SLC35F4: variants seen among roughly 807,000 people sequenced by gnomAD.
SLC35F4 encodes the protein solute carrier family 35 member F4.
A neutral mutation model predicts 44.2 loss-of-function variants in SLC35F4; 24 were observed. That is an observed-to-expected ratio of 0.54 (90% confidence interval 0.39 to 0.76). The LOEUF (loss-of-function observed/expected upper bound fraction) is 0.76. SLC35F4 is among the 30% of genes least tolerant of loss of function. SLC35F4 has a pLI of 0.00. For missense variants in SLC35F4, 562 were observed against 586.1 expected (o/e 0.96, Z 0.42); for synonymous variants, 238 against 223.6 (o/e 1.06, Z -0.57).
intron 1 of SLC35F4, among the ~76,000 whole-genome samples, chr14:57,713,552 T>TC: frequency 6.6e-6 from 1 of 152,296 alleles, no homozygotes; most frequent in East Asian, 1.9e-4. Flanking sequence ...ATTAAGTTTT[T>TC]CCCCCTTCAG....
At chr14:57,949,751 C>G (rs1170595478) in intron 1 of SLC35F4, among the ~76,000 whole-genome samples, 2 of 151,908 alleles carry the variant, frequency 1.3e-5, no homozygotes, top group East Asian at 3.9e-4. Context: ...ATTTGTTTGT[C>G]TGAAAAAAAC....
intron 1 of SLC35F4, among the ~76,000 whole-genome samples, chr14:57,710,507 C>T (rs2075791195): frequency 6.6e-6 from 1 of 152,106 alleles, no homozygotes; most frequent in Non-Finnish European, 1.5e-5. Flanking sequence ...TCCTCCAGAC[C>T]TCAGAATTGT....
At chr14:57,668,266 C>A (rs577688353) in intron 1 of SLC35F4, among the ~76,000 whole-genome samples, 1 of 150,460 alleles carries the variant, frequency 6.6e-6, no homozygotes, top group African/African-American at 2.5e-5. Context: ...AAAATTTTCT[C>A]CCATGTTGTA....
intron 3 of SLC35F4, among the ~76,000 whole-genome samples, chr14:57,588,609 C>T (rs2069949923): frequency 6.6e-6 from 1 of 152,146 alleles, no homozygotes; most frequent in Non-Finnish European, 1.5e-5. Flanking sequence ...GCCCAACCAC[C>T]ACTGTTCATG....
intron 1 of SLC35F4, among the ~76,000 whole-genome samples, chr14:57,734,479 C>T (rs945082002): frequency 3.9e-5 from 6 of 152,172 alleles, no homozygotes; most frequent in African/African-American, 1.4e-4. Context: ...CAATCTCTCT[C>T]TCATTGTGGA....
intron 1 of SLC35F4, among the ~76,000 whole-genome samples, chr14:57,724,368 T>C (rs1288213323): frequency 6.6e-6 from 1 of 152,210 alleles, no homozygotes; most frequent in Non-Finnish European, 1.5e-5. Flanking sequence ...TGCAGATAAC[T>C]ACTCTCCTTT....
chr14:57,715,232 T>A (rs778291457), intron 1 of SLC35F4, among the ~76,000 whole-genome samples: 1 of 151,992 alleles, frequency 6.6e-6, no homozygotes, highest in Non-Finnish European at 1.5e-5. Flanking sequence ...TGCAGAAGAA[T>A]GCAAGAGGAA....
intron 1 of SLC35F4, among the ~76,000 whole-genome samples, chr14:57,613,776 G>A (rs1168270865): frequency 6.6e-6 from 1 of 152,218 alleles, no homozygotes; most frequent in Admixed American, 6.5e-5. Context: ...GAGAAAGACA[G>A]CTCTGTCTCC....
intron 1 of SLC35F4, among the ~76,000 whole-genome samples, chr14:57,754,957 T>A (rs2076962579): frequency 6.6e-6 from 1 of 152,202 alleles, no homozygotes; most frequent in South Asian, 2.1e-4. Flanking sequence ...CTGGTCCTAA[T>A]CAGAAATCTG....
intron 1 of SLC35F4, chr14:57,596,057 G>C (rs2070466853): frequency 6.6e-6 from 1 of 152,224 alleles, no homozygotes; most frequent in Non-Finnish European, 1.5e-5. Flanking sequence ...GATCATAATT[G>C]AAATGTTTGT....
At chr14:57,884,339 T>A (rs965172273) in intron 1 of SLC35F4, among the ~76,000 whole-genome samples, 1 of 152,176 alleles carries the variant, frequency 6.6e-6, no homozygotes, top group Non-Finnish European at 1.5e-5. Flanking sequence ...CAGAGTATAT[T>A]TAGTTATACA....
intron 1 of SLC35F4, chr14:57,595,969 G>T (rs238379): frequency 0.37 from 55,954 of 152,106 alleles, 10,845 homozygotes; most frequent in Admixed American, 0.46. Context: ...TAGTTAGAAT[G>T]AGTAAGATCT....
intron 1 of SLC35F4, among the ~76,000 whole-genome samples, chr14:57,904,236 G>A (rs1220297073): frequency 1.3e-5 from 2 of 152,150 alleles, no homozygotes; most frequent in African/African-American, 4.8e-5. Flanking sequence ...TGGTGGTAAA[G>A]TTATACTAAT....
Position 57,865,979 on chromosome 14 carries a change from T to A in SLC35F4, c.-154A>T, listed in dbSNP as rs748308510. 2 of 420,186 alleles carry A rather than the reference T, an allele frequency of 4.8e-6. No individual in the cohort carries two copies. Among genetic ancestry groups the A allele is most frequent in the Non-Finnish European group, 8.0e-6 (2 of 250,012 alleles). 26.0% of individuals were successfully genotyped at this position (420,186 alleles called of 1,614,324 possible). ...CTCCACCGCCCGGCGCAGCACCGGC[T>A]CCGCATCACAGCGGCGGCGGCGGCG... is the stretch of plus-strand genomic sequence containing the variant. On this transcript the variant is annotated 5_prime_UTR_variant, in exon 1 of 8. Coordinates refer to ENST00000556826, the MANE Select transcript of SLC35F4 (RefSeq NM_001306087.2).
chr14:57,937,501 A>G (rs1212753017), intron 1 of SLC35F4, among the ~76,000 whole-genome samples: 1 of 151,886 alleles, frequency 6.6e-6, no homozygotes, highest in Non-Finnish European at 1.5e-5. Context: ...ATAGGTTATC[A>G]TAATAGAAAT....
chr14:57,756,820 A>AT (rs1657863343), intron 1 of SLC35F4, among the ~76,000 whole-genome samples: 1 of 143,182 alleles, frequency 7.0e-6, no homozygotes, highest in African/African-American at 2.5e-5. Context: ...AAATCTGCCT[A>AT]ATTTTTTTTT....
chr14:57,684,703 A>G (rs1263394227), intron 1 of SLC35F4, among the ~76,000 whole-genome samples: 1 of 152,192 alleles, frequency 6.6e-6, no homozygotes, highest in Non-Finnish European at 1.5e-5. Flanking sequence ...TGACAGAAAC[A>G]TTAAAATGCA....
At chr14:57,566,873 C>T (rs1169139010) in intron 6 of SLC35F4, among the ~76,000 whole-genome samples, 2 of 152,200 alleles carry the variant, frequency 1.3e-5, no homozygotes, top group Non-Finnish European at 1.5e-5. Flanking sequence ...AGATTGGGGC[C>T]AGCCAGAGGT....
chr14:57,903,302 G>T (rs1197368415), intron 1 of SLC35F4, among the ~76,000 whole-genome samples: 2 of 152,212 alleles, frequency 1.3e-5, no homozygotes, highest in African/African-American at 2.4e-5. Context: ...TCAGGAGTAA[G>T]AGAGGATTCT....
Sources: allele counts gnomAD v4.1 joint callset (sites outside exome capture counted in the v4.1 genomes callset), GRCh38; gene constraint gnomAD v4.1.1; transcripts MANE v1.5; gene names NCBI Gene and HGNC (gene_info 2026-07-23, HGNC 2026-07-21).